The following NPC1 variants were observed in gnomAD, a reference collection of about 807,000 sequenced individuals.
NPC1 encodes the protein NPC intracellular cholesterol transporter 1.
NPC1 carries 85 observed loss-of-function variants against 140.4 expected under a neutral mutation model. That is an observed-to-expected ratio of 0.61 (90% CI 0.51 to 0.72). The LOEUF is 0.72. Ranked by LOEUF, NPC1 falls within the 30% of genes least tolerant of loss-of-function variation. The probability of loss-of-function intolerance (pLI) is 0.00; values close to 1 mark genes in which losing one functional copy is unlikely to be tolerated. For missense variants in NPC1, 1,504 were observed against 1,623.8 expected, an observed-to-expected ratio of 0.93 and a Z score of 1.27; for synonymous variants, 656 against 624.8, an observed-to-expected ratio of 1.05 and a Z score of -0.74.
intron 3 of NPC1, chr18:23,507,911 G>T (rs2145134528): frequency 7.4e-7 from 1 of 1,358,264 alleles, no homozygotes; most frequent in African/African-American, 1.5e-5. Flanking sequence ...TTCTTGTCTT[G>T]TAGTATGCCA....
intron 1 of NPC1, among the ~76,000 whole-genome samples, chr18:23,583,419 G>A (rs2059379908): frequency 6.6e-6 from 1 of 152,112 alleles, no homozygotes. Flanking sequence ...GAACTTCAGA[G>A]GGAAGGCATT....
downstream of NPC1, among the ~76,000 whole-genome samples, chr18:23,520,759 A>G (rs1021364587): frequency 6.6e-6 from 1 of 152,046 alleles, no homozygotes; most frequent in Non-Finnish European, 1.5e-5. Flanking sequence ...TGAGGTATTC[A>G]AGCAATTGAA....
In NPC1 at chr18:23,544,947, C is replaced by CA. The variant is rs1555634657; in HGVS notation, c.1947+12_1947+13insT. ...TTAACCTCTAGAACATACACCACCC[C>CA]CCCCCGGCTTACCAGAAGCCTGCGA... On this transcript the variant is annotated intron_variant, in intron 12 of 24. Coordinates refer to ENST00000269228, the MANE Select transcript of NPC1 (RefSeq NM_000271.5). 20 of 1,359,486 alleles carry CA rather than the reference C, an allele frequency of 1.5e-5. 3 individuals carry two copies. Among genetic ancestry groups the CA allele is most frequent in the Middle Eastern group, 1.8e-4 (1 of 5,640 alleles). 84.2% of individuals were successfully genotyped at this position (1,359,486 alleles called of 1,614,324 possible).
At chr18:23,520,147 C>A, downstream of NPC1, 1 of 1,368,740 alleles carries the variant, frequency 7.3e-7, no homozygotes, top group Non-Finnish European at 1.0e-6. Context: ...GGAATGAAAG[C>A]AACTGGGCAA....
chr18:23,519,095 T>G (rs1268539979), downstream of NPC1: 1 of 1,614,198 alleles, frequency 6.2e-7, no homozygotes, highest in Non-Finnish European at 8.5e-7. Context: ...AAGATGCACA[T>G]ATTGAAGTTA....
Position 23,531,740 on chromosome 18 carries a change from A to C in NPC1, c.*462T>G. ...TGTTTTTTTATATAAAAATGTGTACAAAGTTAATTTATTGCATTAATAAAG... is the reference window on the plus strand; with the variant it reads ...TGTTTTTTTATATAAAAATGTGTACCAAGTTAATTTATTGCATTAATAAAG... On this transcript the variant is annotated 3_prime_UTR_variant, in exon 25 of 25. Coordinates refer to ENST00000269228, the MANE Select transcript of NPC1 (RefSeq NM_000271.5). 1 of 1,592,792 alleles carries C rather than the reference A, an allele frequency of 6.3e-7. No individual in the cohort carries two copies. Among genetic ancestry groups the C allele is most frequent in the Non-Finnish European group, 8.5e-7 (1 of 1,173,844 alleles).
intron 1 of NPC1, among the ~76,000 whole-genome samples, chr18:23,582,313 T>TA (rs2059366367): frequency 6.6e-6 from 1 of 152,208 alleles, no homozygotes; most frequent in African/African-American, 2.4e-5. Flanking sequence ...GTTGGTTTTT[T>TA]AAAAGTTTTG....
At chr18:23,577,678 G>A (rs564327922) in intron 1 of NPC1, among the ~76,000 whole-genome samples, 2 of 152,220 alleles carry the variant, frequency 1.3e-5, no homozygotes, top group African/African-American at 4.8e-5. Flanking sequence ...CGTGGAGCAG[G>A]GGGTGGCGCT....
intron 1 of NPC1, among the ~76,000 whole-genome samples, chr18:23,577,354 A>AG: frequency 1.2e-5 from 1 of 86,212 alleles, no homozygotes; most frequent in Admixed American, 1.2e-4. Context: ...ACCTTGAGCT[A>AG]AACACAGGGT....
rs988102550 is a variant in NPC1 at position 23,532,062 on chromosome 18, C to T, written c.*140G>A. On this transcript the variant is annotated 3_prime_UTR_variant, in exon 25 of 25. Transcript: ENST00000269228. ...AACTGTGCATTCCTGAGTTCACAGG[C>T]GCTACGTTCAAAGCTGCTGCCAAAC... The T allele has an allele frequency of 8.1e-6, 13 of 1,597,912 alleles. No individual in the cohort carries two copies. The highest frequency in any genetic ancestry group is 8.1e-5 in the African/African-American group (6 of 74,324).
chr18:23,554,905 A>G lies in NPC1; in HGVS notation c.1406T>C (p.Leu469Ser). The change falls in exon 9 of 25, where the codon TTG becomes TCG. Residue 469 changes from leucine (L) to serine (S), a missense_variant. By Grantham distance (145) the Leu-to-Ser change is moderately radical (BLOSUM62 -2). Coordinates refer to ENST00000269228, the MANE Select transcript of NPC1 (RefSeq NM_000271.5). Reference protein sequence around the residue: ...NETVTLQDICLAPLSPYNTNC... With the variant: ...NETVTLQDICSAPLSPYNTNC... ...CGTGTTATACGGTGAAAGAGGGGCC[A>G]AGCAGATGTCTTGAAGTGTCACAGT... The G allele has an allele frequency of 1.2e-6, 2 of 1,614,176 alleles. No homozygotes were observed. The highest frequency in any genetic ancestry group is 1.7e-6 in the Non-Finnish European group (2 of 1,180,020).
rs2058741488 is a variant in NPC1 at position 23,543,525 on chromosome 18, G to C, written c.2175C>G (p.Gly725=). 3.1e-6 allele frequency: 5 copies of C among 1,610,464 alleles called. No homozygotes were observed. Among genetic ancestry groups the C allele is most frequent in the Non-Finnish European group, 4.2e-6 (5 of 1,178,724 alleles). Residue 725 remains glycine, a synonymous_variant, in exon 14 of 25, where the codon GGC becomes GGG. Transcript: ENST00000269228. ...TGGGAGCCACTTCTCCTAGGACCCTGCCCAGCTGCTGATCCAGGGTTTCCC... is the reference window on the plus strand; with the variant it reads ...TGGGAGCCACTTCTCCTAGGACCCTCCCCAGCTGCTGATCCAGGGTTTCCC... The part of the protein sequence containing the change: ...LQGETLDQQL[G]RVLGEVAPSM...
chr18:23,514,951 A>T (rs1351129198), intron 3 of NPC1, among the ~76,000 whole-genome samples: 1 of 152,132 alleles, frequency 6.6e-6, no homozygotes, highest in East Asian at 1.9e-4. Flanking sequence ...TTTAGGGTAC[A>T]TTGAAAATGT....
intron 22 of NPC1, 98 bp downstream of exon 22, chr18:23,535,371 T>C: frequency 1.1e-6 from 1 of 888,344 alleles, no homozygotes; most frequent in Admixed American, 2.0e-5. Context: ...AGACTTGGTA[T>C]CTTACTCCAT....
chr18:23,578,847 G>A (rs11663105), intron 1 of NPC1, among the ~76,000 whole-genome samples: 20,023 of 152,096 alleles, frequency 0.13, 1,590 homozygotes, highest in Middle Eastern at 0.28. Flanking sequence ...GGCACCTTTC[G>A]AACCCACCTC....
At chr18:23,573,131 C>G (rs948465081) in intron 2 of NPC1, among the ~76,000 whole-genome samples, 1 of 152,188 alleles carries the variant, frequency 6.6e-6, no homozygotes, top group Non-Finnish European at 1.5e-5. Flanking sequence ...ATCTAGGAAT[C>G]AAAACCAGCT....
chr18:23,575,173 G>T (rs1202515529), intron 1 of NPC1, among the ~76,000 whole-genome samples: 1 of 152,240 alleles, frequency 6.6e-6, no homozygotes, highest in South Asian at 2.1e-4. Flanking sequence ...ACACACTGCA[G>T]CTCTGGCCTG....
At chr18:23,556,748 C>T in intron 7 of NPC1, 135 bp from the exon 8 acceptor site, 1 of 1,346,826 alleles carries the variant, frequency 7.4e-7, no homozygotes, top group South Asian at 1.3e-5. Context: ...AGACCCCTGC[C>T]CTCAGCTACC....
intron 1 of NPC1, among the ~76,000 whole-genome samples, chr18:23,574,216 T>C (rs886544016): frequency 6.6e-6 from 1 of 152,166 alleles, no homozygotes; most frequent in East Asian, 1.9e-4. Context: ...AGTCACAAGG[T>C]TGTCAGAAAA....
Sources: allele counts gnomAD v4.1 joint callset (sites outside exome capture counted in the v4.1 genomes callset), GRCh38; gene constraint gnomAD v4.1.1; transcripts MANE v1.5; gene names NCBI Gene and HGNC (gene_info 2026-07-23, HGNC 2026-07-21).